GALNT14: variants seen among roughly 807,000 people sequenced by gnomAD.
GALNT14 encodes polypeptide N-acetylgalactosaminyltransferase 14.
Under a neutral mutation model 77.5 loss-of-function variants are expected in GALNT14, and 60 were observed. The ratio of observed to expected loss-of-function variants is 0.77; its 90% CI spans 0.63 to 0.96. The LOEUF is 0.96. GALNT14 is among the 40% of genes least tolerant of loss of function. The pLI is 0.00. For synonymous variants in GALNT14, 280 were observed against 281.7 expected (o/e 0.99, Z 0.06); for missense variants, 710 against 731.0 (o/e 0.97, Z 0.33).
chr2:30,985,519 C>A (rs1489875254), intron 2 of GALNT14, among the ~76,000 whole-genome samples: 1 of 152,164 alleles, frequency 6.6e-6, no homozygotes. Context: ...TGTGGCCGTT[C>A]CTCCCCTCTT....
At chr2:30,962,853 A>T (rs1011696462) in intron 3 of GALNT14, among the ~76,000 whole-genome samples, 1 of 152,202 alleles carries the variant, frequency 6.6e-6, no homozygotes, top group Non-Finnish European at 1.5e-5. Context: ...CTGAGACAGG[A>T]CATGTCCTTC....
intron 3 of GALNT14, among the ~76,000 whole-genome samples, chr2:30,962,121 CA>C (rs1206045413): frequency 1.3e-5 from 2 of 152,182 alleles, no homozygotes; most frequent in East Asian, 3.9e-4. Context: ...GCTGGAGGCT[CA>C]CAATATACAC....
At chr2:30,915,369 A>G (rs926972113) in intron 13 of GALNT14, among the ~76,000 whole-genome samples, 2 of 152,196 alleles carry the variant, frequency 1.3e-5, no homozygotes, top group African/African-American at 4.8e-5. Flanking sequence ...GGCACAGCTA[A>G]TGAAGCCCTC....
chr2:30,911,935 G>A lies in GALNT14; in HGVS notation c.1500+288C>T, dbSNP rs75298284. Among the ~76,000 whole-genome samples, 66 of 152,288 alleles carry A rather than the reference G, an allele frequency of 4.3e-4. No individual in the cohort carries two copies. In the East Asian group the frequency reaches 0.012, roughly 28 times the overall value. On this transcript the variant is annotated intron_variant, in intron 14 of 14. Coordinates refer to ENST00000349752, the MANE Select transcript of GALNT14 (RefSeq NM_024572.4). Reference sequence around the variant, plus strand: ...CTGAGATCCTTGTTTGGGATCCCACGTGGGGAACAGAGCAATGACAGGAAA... The same window carrying A: ...CTGAGATCCTTGTTTGGGATCCCACATGGGGAACAGAGCAATGACAGGAAA...
downstream of GALNT14, among the ~76,000 whole-genome samples, chr2:30,910,212 AT>A (rs1664277515): frequency 6.6e-6 from 1 of 151,808 alleles, no homozygotes; most frequent in South Asian, 2.1e-4. Flanking sequence ...AAGTATAATA[AT>A]AAAAAAAAAA....
chr2:31,132,821 G>A (rs1466120609), intron 1 of GALNT14: 3 of 438,862 alleles, frequency 6.8e-6, no homozygotes, highest in Non-Finnish European at 1.4e-5. Flanking sequence ...AAAAATGATG[G>A]TTTAGGAGTC....
At chr2:31,125,247 A>G (rs1462814749) in intron 1 of GALNT14, 2 of 1,550,264 alleles carry the variant, frequency 1.3e-6, no homozygotes, top group Admixed American at 3.9e-5. Context: ...AAAAACAAGG[A>G]CCAAACCTGA....
chr2:30,895,941 T>C, the GALNT14 span, among the ~76,000 whole-genome samples: 1 of 152,164 alleles, frequency 6.6e-6, no homozygotes, highest in Non-Finnish European at 1.5e-5. Context: ...GGGGGGCTGA[T>C]GCCACGTCAA....
intron 1 of GALNT14, among the ~76,000 whole-genome samples, chr2:31,023,262 T>G (rs1215414690): frequency 6.6e-6 from 1 of 152,064 alleles, no homozygotes; most frequent in Non-Finnish European, 1.5e-5. Flanking sequence ...TTCCAGTGGA[T>G]GAAAAATAAT....
At position 30,992,833 on chromosome 2, in the gene GALNT14, A is replaced by G. The variant is rs1423325237; in HGVS notation, c.299+5T>C. 6 of 1,612,324 alleles carry G rather than the reference A, an allele frequency of 3.7e-6. No homozygotes were observed. The Admixed American group carries it at 8.3e-5, about 22-fold the overall frequency. ...GGGTAACAGAGTGGGAGAAGGAGGA[A>G]GTACCTCAGATGGCGAGTGTCCGGG... On this transcript the variant is annotated splice_donor_5th_base_variant and intron_variant, in intron 2 of 14. Transcript: ENST00000349752.
intron 1 of GALNT14, among the ~76,000 whole-genome samples, chr2:31,025,187 G>T (rs951915356): frequency 1.3e-5 from 2 of 152,280 alleles, no homozygotes; most frequent in Non-Finnish European, 1.5e-5. Context: ...CTAAGATGTA[G>T]TTATCACTAT....
chr2:31,138,222 G>T lies in GALNT14; in HGVS notation c.-136C>A. ...GACCCAGGATCCGGTTGGAGGGGCG[G>T]CAGGATCCTGCAAGGCGCCCTTCCC... On this transcript the variant is annotated 5_prime_UTR_variant, in exon 1 of 15. Transcript: ENST00000349752. The T allele has an allele frequency of 9.2e-7, 1 of 1,082,510 alleles. No individual in the cohort carries two copies. 67.1% of individuals were successfully genotyped at this position (1,082,510 alleles called of 1,614,324 possible).
chr2:31,073,778 A>G (rs2098787), intron 1 of GALNT14, among the ~76,000 whole-genome samples: 95,227 of 151,992 alleles, frequency 0.63, 31,214 homozygotes, highest in African/African-American at 0.83. Flanking sequence ...TGTGACTTGG[A>G]GTTTGACTTG....
At chr2:31,006,880 C>T (rs977187832) in intron 1 of GALNT14, among the ~76,000 whole-genome samples, 3 of 152,192 alleles carry the variant, frequency 2.0e-5, no homozygotes, top group Non-Finnish European at 2.9e-5. Flanking sequence ...CTCTCTTCTA[C>T]GCCTGCTAGG....
rs536129944 is a variant in GALNT14 at position 31,078,245 on chromosome 2, G to A, written c.129+59713C>T. ...CATAAGCTATGGCAGGGAAAATTCA[G>A]GCTCATTAGGAGGAGAAAACTTGAA... On this transcript the variant is annotated intron_variant, in intron 1 of 14. Coordinates refer to ENST00000349752, the MANE Select transcript of GALNT14 (RefSeq NM_024572.4). Among the ~76,000 whole-genome samples, 56 of 152,276 alleles carry A rather than the reference G, an allele frequency of 3.7e-4. No individual in the cohort carries two copies. The Middle Eastern group carries it at 0.017, about 46-fold the overall frequency.
intron 1 of GALNT14, among the ~76,000 whole-genome samples, chr2:31,042,521 T>C (rs1294808527): frequency 6.6e-6 from 1 of 152,168 alleles, no homozygotes; most frequent in African/African-American, 2.4e-5. Context: ...CCAGCTCCTC[T>C]TTCATCCCTG....
At chr2:30,940,196 T>C (rs982857798) in intron 9 of GALNT14, among the ~76,000 whole-genome samples, 1 of 152,180 alleles carries the variant, frequency 6.6e-6, no homozygotes, top group Non-Finnish European at 1.5e-5. Context: ...AACTTCTCTA[T>C]TCCAATCAGC....
chr2:31,006,434 C>A (rs1251898550), intron 1 of GALNT14, among the ~76,000 whole-genome samples: 1 of 152,178 alleles, frequency 6.6e-6, no homozygotes, highest in Non-Finnish European at 1.5e-5. Context: ...AAACCCAAGG[C>A]AGGTGCTTCT....
intron 1 of GALNT14, among the ~76,000 whole-genome samples, chr2:31,027,377 A>T (rs545359816): frequency 6.4e-4 from 95 of 148,746 alleles, no homozygotes; most frequent in Non-Finnish European, 8.4e-4. Flanking sequence ...AGATCGCGCC[A>T]TTGCACTCCA....
Sources: allele counts gnomAD v4.1 joint callset (sites outside exome capture counted in the v4.1 genomes callset), GRCh38; gene constraint gnomAD v4.1.1; transcripts MANE v1.5; gene names NCBI Gene and HGNC (gene_info 2026-07-23, HGNC 2026-07-21).